Variants in KCNAB2 observed in about 807,000 individuals in gnomAD.
KCNAB2 encodes the protein potassium voltage-gated channel subfamily A regulatory beta subunit 2, also known as voltage-gated potassium channel subunit beta-2.
In KCNAB2, 29 loss-of-function variants were observed where a neutral mutation model predicts 63.6. That is an observed-to-expected ratio of 0.46 (90% CI 0.34 to 0.62). The LOEUF (loss-of-function observed/expected upper bound fraction) is 0.62. Among genes scored for constraint, KCNAB2 ranks in the 20% least tolerant of loss-of-function variants. The pLI is 0.01. For missense variants in KCNAB2, 359 were observed against 563.9 expected, an observed-to-expected ratio of 0.64 and a Z score of 3.68; for synonymous variants, 222 against 224.2, an observed-to-expected ratio of 0.99 and a Z score of 0.09.
intron 1 of KCNAB2, among the ~76,000 whole-genome samples, chr1:5,997,669 A>C (rs1356275711): frequency 6.6e-6 from 1 of 152,176 alleles, no homozygotes; most frequent in Non-Finnish European, 1.5e-5. Context: ...CCTAGGACAG[A>C]AGACTCTAGA....
intron 1 of KCNAB2, among the ~76,000 whole-genome samples, chr1:6,002,439 C>T (rs1447104199): frequency 6.6e-6 from 1 of 152,210 alleles, no homozygotes; most frequent in Non-Finnish European, 1.5e-5. Context: ...TGAGACAAAG[C>T]CAGGTGCCTG....
rs746894875 is a variant in KCNAB2, at chr1:6,028,857, T to A, written c.-52-11660T>A. On this transcript the variant is annotated intron_variant, in intron 1 of 16. Transcript: ENST00000341524. This position sits in a 1 kb window ranked among gnomAD's most constrained non-coding sequence, Gnocchi z 4.0. ...CAAATAGATAAGGAATACAAGGTGA[T>A]CATTCTTAAGACCTCGGGGATCTGC... 3.3e-5 allele frequency among the ~76,000 whole-genome samples: 5 copies of A among 152,198 alleles called. No individual in the cohort carries two copies. Among genetic ancestry groups the A allele is most frequent in the Non-Finnish European group, 4.4e-5 (3 of 68,022 alleles).
At chr1:6,079,074 A>G (rs1663965537) in intron 4 of KCNAB2, among the ~76,000 whole-genome samples, 1 of 152,148 alleles carries the variant, frequency 6.6e-6, no homozygotes, top group Admixed American at 6.5e-5. Context: ...CAGTGATGGG[A>G]GGATTAGTCA....
intron 1 of KCNAB2, among the ~76,000 whole-genome samples, chr1:5,998,024 A>G (rs1253541821): frequency 6.6e-6 from 1 of 152,172 alleles, no homozygotes; most frequent in Non-Finnish European, 1.5e-5. Flanking sequence ...GGAAGGAGAG[A>G]CGGGGGCAGT....
At position 5,994,938 on chromosome 1, in the gene KCNAB2, G is replaced by A. The variant is rs1360884739; in HGVS notation, c.-53+2150G>A. Among the ~76,000 whole-genome samples the A allele has an allele frequency of 2.0e-5, 3 of 152,190 alleles. No homozygotes were observed. Among genetic ancestry groups the A allele is most frequent in the East Asian group, 3.8e-4 (2 of 5,198 alleles). The stretch of plus-strand genomic sequence containing the variant: ...CTCCCCTAGACCTTCCTGTGTGTTG[G>A]TGCTCTGCCGTGGTAACTGGGAACA... On this transcript the variant is annotated intron_variant, in intron 1 of 16. Transcript: ENST00000341524. This position sits in a 1 kb window ranked among gnomAD's most constrained non-coding sequence, Gnocchi z 5.4.
chr1:6,087,613 G>A lies in KCNAB2; in HGVS notation c.470+102G>A. On this transcript the variant is annotated intron_variant, in intron 7 of 15. Transcript: ENST00000378083. The surrounding 1 kb of genome is among the most constrained non-coding windows in gnomAD (Gnocchi z 6.4). ...TAGAAGGCTCCTGGGGTGGCGGGAG[G>A]ACAGTCCTCCTTGAGAAGGGAGAGT... 1.6e-6 allele frequency: 2 copies of A among 1,250,644 alleles called. No homozygotes were observed. Among genetic ancestry groups the A allele is most frequent in the East Asian group, 4.7e-5 (2 of 42,158 alleles). The allele number at this position is 1,250,644 out of a possible 1,614,324, so 77.5% of individuals were successfully genotyped here.
At chr1:6,000,685 C>T (rs1657205150) in intron 1 of KCNAB2, among the ~76,000 whole-genome samples, 2 of 151,052 alleles carry the variant, frequency 1.3e-5, no homozygotes, top group African/African-American at 2.4e-5. Flanking sequence ...ACAGTGATAT[C>T]CCTGGGAGAA....
intron 1 of KCNAB2, among the ~76,000 whole-genome samples, chr1:6,001,572 G>A (rs1207503437): frequency 1.3e-5 from 2 of 152,166 alleles, no homozygotes; most frequent in South Asian, 4.1e-4. Context: ...ATACACCCAT[G>A]GGGGTGGGTC....
intron 2 of KCNAB2, among the ~76,000 whole-genome samples, chr1:6,057,927 GAT>G (rs1423753904): frequency 6.6e-6 from 1 of 152,138 alleles, no homozygotes; most frequent in Non-Finnish European, 1.5e-5. Flanking sequence ...GAGGCAAGTG[GAT>G]CACTTGAGTC....
chr1:6,032,525 C>T (rs12566891), upstream of KCNAB2, among the ~76,000 whole-genome samples: 63,580 of 150,188 alleles, frequency 0.42, 13,708 homozygotes, highest in East Asian at 0.57. Context: ...TGCAGTGAGC[C>T]AAGATCATGC....
At chr1:6,091,119 G>A in intron 9 of KCNAB2, 144 bp from the exon 10 acceptor site, 1 of 690,498 alleles carries the variant, frequency 1.4e-6, no homozygotes, top group Admixed American at 2.0e-5. Flanking sequence ...GCACGTGCGT[G>A]TGTTGATATA....
intron 8 of KCNAB2, among the ~76,000 whole-genome samples, chr1:6,090,011 A>G (rs548590154): frequency 1.3e-5 from 2 of 152,316 alleles, no homozygotes; most frequent in East Asian, 3.9e-4. Context: ...CATAGACACT[A>G]TTGCCTTTGA....
chr1:6,044,119 G>T (rs1660728050), upstream of KCNAB2, among the ~76,000 whole-genome samples: 1 of 152,192 alleles, frequency 6.6e-6, no homozygotes, highest in African/African-American at 2.4e-5. Flanking sequence ...CGTGCTTTTG[G>T]CCAAAGTAAG....
chr1:6,050,747 A>G (rs1661312547), intron 1 of KCNAB2, among the ~76,000 whole-genome samples: 1 of 152,242 alleles, frequency 6.6e-6, no homozygotes, highest in African/African-American at 2.4e-5. Flanking sequence ...GGTTCTTCAC[A>G]TAGAAACTTT....
In KCNAB2 at chr1:6,078,068, A is replaced by G. The variant is rs1663835423; in HGVS notation, c.301-4127A>G. 6.7e-6 allele frequency among the ~76,000 whole-genome samples: 1 copy of G among 148,922 alleles called. No individual in the cohort carries two copies. The highest frequency in any genetic ancestry group is 1.5e-5 in the Non-Finnish European group (1 of 67,404). On this transcript the variant is annotated intron_variant, in intron 4 of 15. Transcript: ENST00000378083. The surrounding 1 kb of genome is among the most constrained non-coding windows in gnomAD (Gnocchi z 4.2). ...TCCCGGCCAGGACCTTTCCCGGCCT[A>G]AGTCCAGGAGTCAGCCGGGCCGGGC... is the stretch of plus-strand genomic sequence containing the variant.
chr1:6,094,895 G>A (rs904004096), intron 11 of KCNAB2, among the ~76,000 whole-genome samples: 4 of 152,312 alleles, frequency 2.6e-5, no homozygotes, highest in Admixed American at 6.5e-5. Flanking sequence ...AGACGTGCCC[G>A]GTGCTGTTAG....
chr1:6,020,990 T>C (rs1207666532), intron 1 of KCNAB2, among the ~76,000 whole-genome samples: 1 of 152,092 alleles, frequency 6.6e-6, no homozygotes, highest in Non-Finnish European at 1.5e-5. Flanking sequence ...GCCTAAAATT[T>C]TTATTTTCAT....
Position 6,086,361 on chromosome 1 carries a change from G to A in KCNAB2, c.426-1106G>A, listed in dbSNP as rs546518576. 13 of 985,274 alleles carry A rather than the reference G, an allele frequency of 1.3e-5. 1 individual carries two copies. The highest frequency in any genetic ancestry group is 1.1e-4 in the East Asian group (1 of 8,786). The allele number at this position is 985,274 out of a possible 1,614,324, so 61.0% of individuals were successfully genotyped here. ...ACCCTGTAATTAAACGAAATTGCAC[G>A]TATTAGCAAATCCCCTGATCACGTC... On this transcript the variant is annotated intron_variant, in intron 6 of 15. Coordinates refer to ENST00000378083, the MANE Select transcript of KCNAB2 (RefSeq NM_001199862.2). This position sits in a 1 kb window ranked among gnomAD's most constrained non-coding sequence, Gnocchi z 4.2.
At chr1:6,081,058 C>T (rs1253109156) in intron 4 of KCNAB2, among the ~76,000 whole-genome samples, 2 of 152,244 alleles carry the variant, frequency 1.3e-5, no homozygotes, top group African/African-American at 2.4e-5. Flanking sequence ...TTGGAGGGAG[C>T]TGTCACTTGC....
Sources: allele counts gnomAD v4.1 joint callset (sites outside exome capture counted in the v4.1 genomes callset), GRCh38; gene constraint gnomAD v4.1.1; non-coding constraint Gnocchi (gnomAD v3.1); transcripts MANE v1.5; gene names NCBI Gene and HGNC (gene_info 2026-07-23, HGNC 2026-07-21).